LEPR: variants seen among roughly 807,000 people sequenced by gnomAD.
The protein encoded by LEPR is leptin receptor.
LEPR carries 56 observed loss-of-function variants against 114.7 expected under a neutral mutation model. The ratio of observed to expected loss-of-function variants is 0.49; its 90% CI spans 0.39 to 0.61. The LOEUF (loss-of-function observed/expected upper bound fraction) is 0.61. LEPR is among the 20% of genes least tolerant of loss of function. The pLI is 0.00. For missense variants in LEPR, 1,202 were observed against 1,352.9 expected (o/e 0.89, Z 1.75); for synonymous variants, 443 against 461.4 (o/e 0.96, Z 0.51).
intron 1 of LEPR, among the ~76,000 whole-genome samples, chr1:65,424,818 C>T (rs1043922469): frequency 3.3e-5 from 5 of 152,120 alleles, no homozygotes; most frequent in African/African-American, 1.2e-4. Flanking sequence ...TATAAGGGCA[C>T]TCATCCCATC....
intron 2 of LEPR, among the ~76,000 whole-genome samples, chr1:65,472,786 G>A (rs72681332): frequency 2.0e-5 from 3 of 152,236 alleles, no homozygotes; most frequent in Non-Finnish European, 4.4e-5. Context: ...AAGGATGTGC[G>A]CTTTGCTCAA....
intron 10 of LEPR, among the ~76,000 whole-genome samples, chr1:65,602,841 A>G (rs868857728): frequency 4.6e-5 from 7 of 152,272 alleles, no homozygotes; most frequent in Middle Eastern, 3.4e-3. Flanking sequence ...GGCAATTCGT[A>G]CATTTCTCAA....
At chr1:65,632,305 G>A (rs1460858366) in intron 19 of LEPR, among the ~76,000 whole-genome samples, 5 of 152,100 alleles carry the variant, frequency 3.3e-5, no homozygotes, top group Admixed American at 1.3e-4. Context: ...GCCCAGAAAT[G>A]CACATTACTG....
chr1:65,429,790 T>C (rs1373839043), intron 2 of LEPR: 28 of 1,211,970 alleles, frequency 2.3e-5, no homozygotes, highest in Non-Finnish European at 3.1e-5. Flanking sequence ...GATTTTGAAA[T>C]AGTAGTATGT....
chr1:65,475,775 G>A (rs947602355), intron 2 of LEPR, among the ~76,000 whole-genome samples: 11 of 151,996 alleles, frequency 7.2e-5, no homozygotes, highest in Non-Finnish European at 8.8e-5. Context: ...CAGCACTTTG[G>A]GAGGCAGAGG....
At chr1:65,550,086 C>T (rs1031529284) in intron 2 of LEPR, among the ~76,000 whole-genome samples, 9 of 152,140 alleles carry the variant, frequency 5.9e-5, no homozygotes, top group African/African-American at 2.2e-4. Context: ...CACTCCAGAC[C>T]CTGTTTGCCT....
intron 2 of LEPR, among the ~76,000 whole-genome samples, chr1:65,528,029 T>TA (rs1366268157): frequency 6.6e-6 from 1 of 152,174 alleles, no homozygotes; most frequent in Non-Finnish European, 1.5e-5. Flanking sequence ...TGTGGGGACT[T>TA]ACTCTCTCAG....
intron 5 of LEPR, among the ~76,000 whole-genome samples, chr1:65,588,189 G>A (rs1655447517): frequency 6.6e-6 from 1 of 151,860 alleles, no homozygotes; most frequent in African/African-American, 2.4e-5. Context: ...CTCCCTAAAG[G>A]ATGAGGCAGA....
chr1:65,565,641 T>G, intron 3 of LEPR, 36 bp downstream of exon 3: 4 of 1,611,622 alleles, frequency 2.5e-6, no homozygotes, highest in Non-Finnish European at 3.4e-6. Flanking sequence ...TTAATGCCCT[T>G]AAACATGGTA....
At chr1:65,509,851 A>G (rs1240198281) in intron 2 of LEPR, among the ~76,000 whole-genome samples, 1 of 152,120 alleles carries the variant, frequency 6.6e-6, no homozygotes, top group African/African-American at 2.4e-5. Context: ...TTTAAAAGGG[A>G]GTTTTAAAAG....
chr1:65,501,900 A>T (rs1358138811), intron 2 of LEPR, among the ~76,000 whole-genome samples: 1 of 152,116 alleles, frequency 6.6e-6, no homozygotes, highest in Non-Finnish European at 1.5e-5. Flanking sequence ...GAGGTGGTGG[A>T]GCCTTTAAAA....
At chr1:65,438,840 T>C (rs1026682883) in intron 2 of LEPR, among the ~76,000 whole-genome samples, 4 of 152,172 alleles carry the variant, frequency 2.6e-5, no homozygotes, top group African/African-American at 9.7e-5. Flanking sequence ...ACAAACCCCA[T>C]TGTATTTTAG....
At chr1:65,451,629 T>C (rs952367638) in intron 2 of LEPR, among the ~76,000 whole-genome samples, 7 of 152,262 alleles carry the variant, frequency 4.6e-5, no homozygotes, top group Admixed American at 3.9e-4. Context: ...TCTGTTCCAC[T>C]GATCTATATC....
intron 2 of LEPR, among the ~76,000 whole-genome samples, chr1:65,531,592 C>T (rs762066407): frequency 1.7e-4 from 26 of 152,072 alleles, no homozygotes; most frequent in Non-Finnish European, 2.9e-4. Flanking sequence ...GTTTTGCTCA[C>T]TGTTGTGTCC....
At chr1:65,618,536 G>T (rs995791275) in intron 16 of LEPR, among the ~76,000 whole-genome samples, 4 of 151,610 alleles carry the variant, frequency 2.6e-5, no homozygotes, top group African/African-American at 4.8e-5. Flanking sequence ...TCACTATGTT[G>T]CTCAGGCTGG....
At chr1:65,438,320 G>C (rs1421532089) in intron 2 of LEPR, among the ~76,000 whole-genome samples, 1 of 151,882 alleles carries the variant, frequency 6.6e-6, no homozygotes, top group Non-Finnish European at 1.5e-5. Context: ...GGGAGGCCGA[G>C]GTGGGCAGAT....
chr1:65,483,509 A>C (rs1647322514), intron 2 of LEPR, among the ~76,000 whole-genome samples: 1 of 152,146 alleles, frequency 6.6e-6, no homozygotes. Context: ...ATATCACAAC[A>C]ACCTTAGGCT....
At chr1:65,458,796 C>T (rs1284335158) in intron 2 of LEPR, among the ~76,000 whole-genome samples, 1 of 151,868 alleles carries the variant, frequency 6.6e-6, no homozygotes, top group Non-Finnish European at 1.5e-5. Context: ...TTTTTTTCTC[C>T]TCCTTTTGTT....
chr1:65,433,790 C>A, intron 2 of LEPR: 1 of 950,178 alleles, frequency 1.1e-6, no homozygotes, highest in African/African-American at 1.8e-5. Context: ...TAATAAATTT[C>A]ACTTTTAACT....
Sources: gnomAD v4.1 joint callset for allele counts (sites outside exome capture counted in the v4.1 genomes callset) on GRCh38, gnomAD v4.1.1 for gene constraint, MANE v1.5 for transcripts, NCBI Gene and HGNC (gene_info 2026-07-23, HGNC 2026-07-21) for gene names.